The following KALRN variants were observed in gnomAD, a reference collection of about 807,000 sequenced individuals.
KALRN encodes kalirin.
KALRN carries 70 observed loss-of-function variants against 353.7 expected under a neutral mutation model. The observed-to-expected ratio is 0.20, with a 90% CI of 0.16 to 0.24. The LOEUF is 0.24. KALRN is among the 10% of genes least tolerant of loss of function. KALRN has a pLI of 1.00. For synonymous variants in KALRN, 1,391 were observed against 1,434.8 expected (o/e 0.97, Z 0.69); for missense variants, 2,791 against 3,756.7 (o/e 0.74, Z 6.72).
intron 51 of KALRN, among the ~76,000 whole-genome samples, chr3:124,690,344 T>C (rs2061750757): frequency 6.6e-6 from 1 of 152,194 alleles, no homozygotes; most frequent in African/African-American, 2.4e-5. Flanking sequence ...CAGTTCGTAC[T>C]CTGATTTGCT....
At chr3:124,256,097 G>A (rs1301390704) in intron 3 of KALRN, among the ~76,000 whole-genome samples, 1 of 152,168 alleles carries the variant, frequency 6.6e-6, no homozygotes, top group Non-Finnish European at 1.5e-5. Flanking sequence ...CATGTGGCCA[G>A]GGGAGAATCC....
At chr3:124,452,603 A>G (rs1560988005) in intron 21 of KALRN, among the ~76,000 whole-genome samples, 2 of 152,174 alleles carry the variant, frequency 1.3e-5, no homozygotes, top group Admixed American at 6.5e-5. Context: ...GAGGCATGCA[A>G]CATTCAACAT....
chr3:124,196,798 G>T (rs770529071), intron 1 of KALRN, among the ~76,000 whole-genome samples: 29 of 152,054 alleles, frequency 1.9e-4, no homozygotes, highest in Non-Finnish European at 3.5e-4. Flanking sequence ...CTTGATAATG[G>T]CAGTACTACT....
At chr3:124,084,309 C>T (rs1297891241) in intron 1 of KALRN, among the ~76,000 whole-genome samples, 6 of 152,284 alleles carry the variant, frequency 3.9e-5, no homozygotes, top group South Asian at 2.1e-4. Context: ...GTTGTGCAGC[C>T]CCTCCCTGTG....
At chr3:124,633,597 C>T (rs1391703242) in intron 35 of KALRN, among the ~76,000 whole-genome samples, 2 of 151,464 alleles carry the variant, frequency 1.3e-5, no homozygotes, top group Non-Finnish European at 2.9e-5. Flanking sequence ...TCTTGCTAAT[C>T]GATAAGATAG....
In KALRN at chr3:124,351,612, A is replaced by G. The variant is rs1013214534; in HGVS notation, c.1770+4347A>G. 3.3e-5 allele frequency among the ~76,000 whole-genome samples: 5 copies of G among 152,282 alleles called. No individual in the cohort carries two copies. The South Asian group carries it at 1.0e-3, about 32-fold the overall frequency. On this transcript the variant is annotated intron_variant, in intron 10 of 59. Coordinates refer to ENST00000682506, the MANE Select transcript of KALRN (RefSeq NM_001388419.1). ...CCACGGGGAGGGGTTAGGCAGTGTA[A>G]AGCCCCTGAACAAATACATTTCCAC...
At position 124,719,152 on chromosome 3, in the gene KALRN, G is replaced by C; in HGVS notation, c.8643G>C (p.Leu2881Phe). 6.2e-7 allele frequency: 1 copy of C among 1,614,242 alleles called. No homozygotes were observed. Among genetic ancestry groups the C allele is most frequent in the Non-Finnish European group, 8.5e-7 (1 of 1,180,040 alleles). The change falls in exon 60 of 60, where the codon TTG becomes TTC. Residue 2881 changes from leucine to phenylalanine, a missense_variant. Around this residue, in one of 11 missense-constraint regions of KALRN, gnomAD observed 188 missense variants for 402.9 expected, o/e 0.47. Transcript: ENST00000682506. The surrounding 1 kb of genome is among the most constrained non-coding windows in gnomAD (Gnocchi z 5.3). Reference sequence around the variant, plus strand: ...TGCTGAGTGGGGTCTCCCCCTTCTTGGATGAGAGCAAAGAGGAGACATGTA... The same window carrying C: ...TGCTGAGTGGGGTCTCCCCCTTCTTCGATGAGAGCAAAGAGGAGACATGTA... ...YVMLSGVSPFLDESKEETCIN... is the reference protein window; with the variant it reads ...YVMLSGVSPFFDESKEETCIN...
At chr3:124,711,947 A>T (rs2062908769) in intron 57 of KALRN, among the ~76,000 whole-genome samples, 1 of 152,208 alleles carries the variant, frequency 6.6e-6, no homozygotes. Context: ...ACAAACATAA[A>T]ATAAAATGAA....
rs1051513551 is a variant in KALRN, at chr3:124,518,945, A to G, written c.4935+22532A>G. On this transcript the variant is annotated intron_variant, in intron 33 of 59. Transcript: ENST00000682506. ...AACCCATCATTCTAATCTAGCTTGT[A>G]TCCCCACATCATGAGAAAGAGGGAA... 28 of 993,126 alleles carry G rather than the reference A, an allele frequency of 2.8e-5. No individual in the cohort carries two copies. In the Admixed American group the frequency reaches 7.3e-4, roughly 26 times the overall value. 61.5% of individuals were successfully genotyped at this position (993,126 alleles called of 1,614,324 possible).
At chr3:124,359,166 T>G (rs1227216461) in intron 10 of KALRN, among the ~76,000 whole-genome samples, 1 of 152,238 alleles carries the variant, frequency 6.6e-6, no homozygotes, top group Non-Finnish European at 1.5e-5. Flanking sequence ...AAGGTGTCTA[T>G]GCAGCCTCAG....
chr3:124,678,728 G>A (rs2150453795), intron 50 of KALRN: 1 of 159,902 alleles, frequency 6.3e-6, no homozygotes, highest in Middle Eastern at 3.3e-3. Context: ...CTGAGGTTTG[G>A]AATTTAAGGG....
At position 124,285,103 on chromosome 3, in the gene KALRN, T is replaced by G. The variant is rs2075707223; in HGVS notation, c.970-13688T>G. Among the ~76,000 whole-genome samples, 3 of 152,180 alleles carry G rather than the reference T, an allele frequency of 2.0e-5. No homozygotes were observed. In the East Asian group the frequency reaches 5.8e-4, roughly 29 times the overall value. Reference sequence around the variant, plus strand: ...CCAGAAGCTCTAAGCAAATCTCTCCTCAATTTCGTTGGTTCATACTCATTA... The same window carrying G: ...CCAGAAGCTCTAAGCAAATCTCTCCGCAATTTCGTTGGTTCATACTCATTA... On this transcript the variant is annotated intron_variant, in intron 5 of 59. Transcript: ENST00000682506.
At chr3:124,500,713 G>A (rs1489585920) in intron 33 of KALRN, among the ~76,000 whole-genome samples, 1 of 152,202 alleles carries the variant, frequency 6.6e-6, no homozygotes, top group East Asian at 1.9e-4. Flanking sequence ...TGCAAAAGTG[G>A]TAGTTCCCCA....
intron 5 of KALRN, among the ~76,000 whole-genome samples, chr3:124,283,703 A>C (rs2075563828): frequency 6.6e-6 from 1 of 152,162 alleles, no homozygotes; most frequent in African/African-American, 2.4e-5. Flanking sequence ...ACTTGGTGAG[A>C]TTTTTTATTA....
chr3:124,264,020 C>G (rs2073207875), intron 3 of KALRN, among the ~76,000 whole-genome samples: 1 of 151,010 alleles, frequency 6.6e-6, no homozygotes, highest in Non-Finnish European at 1.5e-5. Context: ...AGCTCCTATC[C>G]AAAATGCTTG....
chr3:124,500,900 A>C (rs1263649463), intron 33 of KALRN, among the ~76,000 whole-genome samples: 2 of 152,210 alleles, frequency 1.3e-5, no homozygotes, highest in Non-Finnish European at 2.9e-5. Context: ...AGAAATCTAC[A>C]ATTATAGAAT....
At chr3:124,041,070 T>C (rs1266518694) in intron 1 of KALRN, among the ~76,000 whole-genome samples, 1 of 151,926 alleles carries the variant, frequency 6.6e-6, no homozygotes, top group African/African-American at 2.4e-5. Context: ...TGGGAGTATA[T>C]AAAGCCATTA....
chr3:124,615,087 A>G (rs2078420402), intron 34 of KALRN, among the ~76,000 whole-genome samples: 1 of 152,240 alleles, frequency 6.6e-6, no homozygotes, highest in Non-Finnish European at 1.5e-5. Context: ...GGGCTAAGTG[A>G]GTATGCAGTT....
intron 25 of KALRN, among the ~76,000 whole-genome samples, chr3:124,464,157 A>G (rs1031421002): frequency 6.6e-6 from 1 of 152,174 alleles, no homozygotes; most frequent in Non-Finnish European, 1.5e-5. Flanking sequence ...AAGACATCGG[A>G]CTGGCAAACG....
Sources: gnomAD v4.1 joint callset for allele counts (sites outside exome capture counted in the v4.1 genomes callset) on GRCh38, gnomAD v4.1.1 for gene constraint, gnomAD v4.1.1 regional missense constraint, Gnocchi (gnomAD v3.1) non-coding constraint, MANE v1.5 for transcripts, NCBI Gene and HGNC (gene_info 2026-07-23, HGNC 2026-07-21) for gene names.